LPP: variants seen among roughly 807,000 people sequenced by gnomAD.
LPP encodes LIM domain containing preferred translocation partner in lipoma.
A neutral mutation model predicts 60.4 loss-of-function variants in LPP; 38 were observed. The observed-to-expected ratio is 0.63, with a 90% CI of 0.49 to 0.83. LPP has a LOEUF of 0.83. LPP is among the 40% of genes least tolerant of loss of function. The pLI is 0.00. For missense variants in LPP, 902 were observed against 783.6 expected (o/e 1.15, Z -1.80); for synonymous variants, 328 against 290.8 (o/e 1.13, Z -1.30).
At chr3:188,165,528 G>C (rs1481190219) in intron 1 of LPP, among the ~76,000 whole-genome samples, 1 of 152,136 alleles carries the variant, frequency 6.6e-6, no homozygotes, top group African/African-American at 2.4e-5. Context: ...AGATGGGTTA[G>C]GGTCTACATT....
intron 6 of LPP, among the ~76,000 whole-genome samples, chr3:188,576,592 C>G (rs1834674621): frequency 6.6e-6 from 1 of 152,130 alleles, no homozygotes; most frequent in South Asian, 2.1e-4. Context: ...ACCAAGTCAC[C>G]AGAGTCTCAG....
chr3:188,766,783 G>C (rs1734289795), intron 9 of LPP, among the ~76,000 whole-genome samples: 1 of 152,160 alleles, frequency 6.6e-6, no homozygotes, highest in Non-Finnish European at 1.5e-5. Context: ...AAGAAGAAAG[G>C]TATGTAATTC....
intron 9 of LPP, among the ~76,000 whole-genome samples, chr3:188,853,448 T>C (rs1168086268): frequency 6.6e-6 from 1 of 152,196 alleles, no homozygotes; most frequent in Admixed American, 6.5e-5. Context: ...TAATTTGATG[T>C]ATGTAACTTG....
At chr3:188,835,482 G>T (rs1246270664) in intron 9 of LPP, among the ~76,000 whole-genome samples, 1 of 151,838 alleles carries the variant, frequency 6.6e-6, no homozygotes, top group Non-Finnish European at 1.5e-5. Flanking sequence ...AGCTGGTGGT[G>T]GTGGCAGATG....
chr3:188,889,012 T>C lies in LPP; in HGVS notation c.*14533T>C, dbSNP rs2152107236. 2 of 219,506 alleles carry C rather than the reference T, an allele frequency of 9.1e-6. No homozygotes were observed. Among genetic ancestry groups the C allele is most frequent in the Middle Eastern group, 1.4e-3 (1 of 714 alleles). The allele number at this position is 219,506 out of a possible 1,614,324, so 13.6% of individuals were successfully genotyped here. ...AGTCTGTATTAGGATGTGTGTCATA[T>C]GTGTGTTCTATAAACTAAGCATCGG... On this transcript the variant is annotated 3_prime_UTR_variant, in exon 12 of 12. Transcript: ENST00000617246.
intron 4 of LPP, among the ~76,000 whole-genome samples, chr3:188,421,999 G>A (rs769093923): frequency 6.6e-6 from 1 of 152,156 alleles, no homozygotes; most frequent in Non-Finnish European, 1.5e-5. Context: ...AACACTGTTG[G>A]CAGGGGAAGT....
chr3:188,519,634 G>A (rs927126432), intron 5 of LPP, among the ~76,000 whole-genome samples: 3 of 152,018 alleles, frequency 2.0e-5, no homozygotes, highest in African/African-American at 7.3e-5. Context: ...AAATTCTTAG[G>A]AGATGCAAAC....
chr3:188,675,127 C>T (rs940753704), intron 7 of LPP, among the ~76,000 whole-genome samples: 1 of 152,150 alleles, frequency 6.6e-6, no homozygotes, highest in African/African-American at 2.4e-5. Context: ...AGAGGACCAG[C>T]CCTGCTGGAA....
At chr3:188,679,909 C>T (rs1167871796) in intron 7 of LPP, among the ~76,000 whole-genome samples, 2 of 152,072 alleles carry the variant, frequency 1.3e-5, no homozygotes, top group African/African-American at 4.8e-5. Flanking sequence ...CAGCGGCCAT[C>T]TCTGCTGTCA....
chr3:188,515,689 C>G (rs1393151549), intron 5 of LPP, among the ~76,000 whole-genome samples: 1 of 152,184 alleles, frequency 6.6e-6, no homozygotes, highest in African/African-American at 2.4e-5. Context: ...TTCCCACTGC[C>G]TTTAACATGT....
rs1290966952 is a variant in LPP, at chr3:188,609,368, G to A, written c.637G>A (p.Ala213Thr). 1.9e-6 allele frequency: 3 copies of A among 1,614,034 alleles called. No homozygotes were observed. The highest frequency in any genetic ancestry group is 2.2e-5 in the South Asian group (2 of 91,072). The change falls in exon 7 of 12, where the codon GCC becomes ACC. Residue 213 changes from alanine (A) to threonine (T), a missense_variant. By Grantham distance (58) the Ala-to-Thr change is moderately conservative (BLOSUM62 0). Coordinates refer to ENST00000617246, the MANE Select transcript of LPP (RefSeq NM_001375462.1). This position sits in a 1 kb window ranked among gnomAD's most constrained non-coding sequence, Gnocchi z 6.9. ...PQPVPASYTT[A>T]STSSRPTFNV... is the part of the protein sequence containing the mutation. ...GCCAGTCCCAGCCTCCTACACCACG[G>A]CCTCCACTTCTTCAAGGCCTACCTT...
chr3:188,809,365 T>G, intron 9 of LPP, among the ~76,000 whole-genome samples: 1 of 152,176 alleles, frequency 6.6e-6, no homozygotes, highest in Admixed American at 6.5e-5. Context: ...GACTTTTTAA[T>G]AATCGCCATT....
chr3:188,330,451 C>G lies in LPP; in HGVS notation c.-66-11212C>G, dbSNP rs185908312. Among the ~76,000 whole-genome samples the G allele has an allele frequency of 1.9e-4, 29 of 152,302 alleles. No individual in the cohort carries two copies. The East Asian group carries it at 4.6e-3, about 24-fold the overall frequency. On this transcript the variant is annotated intron_variant, in intron 2 of 11. Coordinates refer to ENST00000617246, the MANE Select transcript of LPP (RefSeq NM_001375462.1). ...CATTCACCGTTCAGTTGCCTTCCCC[C>G]ACCTGTGAGCTTTTTGAGTCAAACT...
intron 3 of LPP, among the ~76,000 whole-genome samples, chr3:188,354,754 T>C (rs999901751): frequency 1.3e-5 from 2 of 152,200 alleles, no homozygotes; most frequent in African/African-American, 4.8e-5. Context: ...TTAATTCAGT[T>C]GAATCAGTTT....
intron 9 of LPP, among the ~76,000 whole-genome samples, chr3:188,848,416 C>T (rs1372354201): frequency 1.3e-5 from 2 of 152,166 alleles, no homozygotes; most frequent in African/African-American, 4.8e-5. Flanking sequence ...CTTGCTGATG[C>T]AGATCCCACT....
intron 6 of LPP, among the ~76,000 whole-genome samples, chr3:188,579,651 CT>C (rs10582877): frequency 0.94 from 135,892 of 144,724 alleles, 64,000 homozygotes; most frequent in East Asian, 1. Flanking sequence ...CTAAATCTCG[CT>C]TTTTTTTTTT....
chr3:188,181,888 A>G (rs980579762), intron 1 of LPP, among the ~76,000 whole-genome samples: 2 of 152,104 alleles, frequency 1.3e-5, no homozygotes, highest in African/African-American at 4.8e-5. Context: ...GCACCTGGCC[A>G]TGTACATACT....
intron 2 of LPP, among the ~76,000 whole-genome samples, chr3:188,333,100 C>A (rs1379709740): frequency 6.6e-6 from 1 of 152,142 alleles, no homozygotes; most frequent in Non-Finnish European, 1.5e-5. Flanking sequence ...TAAAAATAAT[C>A]TCATGATAGT....
intron 9 of LPP, among the ~76,000 whole-genome samples, chr3:188,840,683 A>G: frequency 6.6e-6 from 1 of 152,100 alleles, no homozygotes; most frequent in Non-Finnish European, 1.5e-5. Flanking sequence ...TTAATTTTAT[A>G]TAGATGGGAT....
Sources: gnomAD v4.1 joint callset for allele counts (sites outside exome capture counted in the v4.1 genomes callset) on GRCh38, gnomAD v4.1.1 for gene constraint, Gnocchi (gnomAD v3.1) non-coding constraint, MANE v1.5 for transcripts, NCBI Gene and HGNC (gene_info 2026-07-23, HGNC 2026-07-21) for gene names.